Variants in PRDM13 observed in about 807,000 individuals in gnomAD.
The protein encoded by PRDM13 is PR/SET domain 13.
Under a neutral mutation model 36.4 loss-of-function variants are expected in PRDM13, and 15 were observed. The observed-to-expected ratio is 0.41, with a 90% confidence interval of 0.28 to 0.64. The LOEUF (loss-of-function observed/expected upper bound fraction) is 0.64, where lower values mean the gene tolerates loss of function less well. Ranked by LOEUF, PRDM13 falls within the 30% of genes least tolerant of loss-of-function variation. The pLI is 0.29. For missense variants in PRDM13, 1,044 were observed against 1,013.5 expected (o/e 1.03, Z -0.41); for synonymous variants, 531 against 467.7 (o/e 1.14, Z -1.75).
chr6:99,611,081 A>G (rs1770024267), intron 3 of PRDM13, among the ~76,000 whole-genome samples: 1 of 152,166 alleles, frequency 6.6e-6, no homozygotes, highest in African/African-American at 2.4e-5. Flanking sequence ...CATGATTTGG[A>G]TCTCAGAGTC....
rs765141778 is a variant in PRDM13 at position 99,614,003 on chromosome 6, C to T, written c.1368C>T (p.Pro456=). 1.2e-6 allele frequency: 2 copies of T among 1,609,858 alleles called. No homozygotes were observed. Among genetic ancestry groups the T allele is most frequent in the Non-Finnish European group, 1.7e-6 (2 of 1,178,926 alleles). The change falls in exon 4 of 4, where the codon CCC becomes CCT. Residue 456 remains proline (P), a synonymous_variant. Coordinates refer to ENST00000369215, the MANE Select transcript of PRDM13 (RefSeq NM_021620.4). The part of the protein sequence containing the change: ...AYPGGECSHL[P]AVMPAFTVYN... ...CGGGTGGTGAGTGCAGCCACCTGCC[C>T]GCCGTCATGCCGGCCTTTACAGTCT...
intron 3 of PRDM13, 39 bp downstream of exon 3, chr6:99,609,346 C>T: frequency 1.2e-6 from 2 of 1,602,984 alleles, no homozygotes; most frequent in Non-Finnish European, 1.7e-6. Flanking sequence ...AAAGTCCAGC[C>T]CTCCTCCTCC....
Position 99,613,540 on chromosome 6 carries a change from G to GGGC in PRDM13, c.915_917dup (p.Ala307dup). On this transcript the variant is annotated inframe_insertion, in exon 4 of 4. Transcript: ENST00000369215. This position sits in a 1 kb window ranked among gnomAD's most constrained non-coding sequence, Gnocchi z 6.1. ...GCTTTCAAGCCCGCCGGCCTAGCGA[G>GGGC]GGCGGCGGCGGCCGCTCACGGCGAC... is the stretch of plus-strand genomic sequence containing the variant. 1 of 1,496,090 alleles carries GGGC rather than the reference G, an allele frequency of 6.7e-7. No individual in the cohort carries two copies. The highest frequency in any genetic ancestry group is 1.5e-5 in the African/African-American group (1 of 68,638). The allele number at this position is 1,496,090 out of a possible 1,614,324, so 92.7% of individuals were successfully genotyped here.
rs1324630748 is a variant in PRDM13, at chr6:99,608,784, C to T, written c.188C>T (p.Ser63Phe). Residue 63 changes from serine (S) to phenylalanine (F), a missense_variant, in exon 2 of 4, where the codon TCC becomes TTC. Physicochemically the swap from Ser to Phe is radical, Grantham distance 155. This residue lies in a region of PRDM13 where 921 missense variants were observed against 865.2 expected (regional missense o/e 1.06). Coordinates refer to ENST00000369215, the MANE Select transcript of PRDM13 (RefSeq NM_021620.4). ...RGELVDESGG[S>F]PLEWIGLIRA... ...GAGCTGGTGGACGAGTCGGGGGGCT[C>T]CCCTCTGGAGTGGATAGGGTTAATC... The T allele has an allele frequency of 6.2e-7, 1 of 1,612,182 alleles. No individual in the cohort carries two copies. Among genetic ancestry groups the T allele is most frequent in the Non-Finnish European group, 8.5e-7 (1 of 1,179,248 alleles).
intron 3 of PRDM13, among the ~76,000 whole-genome samples, chr6:99,610,239 T>TAA (rs1226222095): frequency 6.6e-6 from 1 of 152,232 alleles, no homozygotes; most frequent in African/African-American, 2.4e-5. Context: ...GTGCAGTAAC[T>TAA]AAACAGAAAA....
At chr6:99,607,308 G>C (rs1224217798) in intron 1 of PRDM13, 130 bp downstream of exon 1, 4 of 1,336,304 alleles carry the variant, frequency 3.0e-6, no homozygotes, top group Non-Finnish European at 4.1e-6. Context: ...GGGTGGAAGG[G>C]GACTCCTATT....
In PRDM13 at chr6:99,607,040, C is replaced by T. The variant is rs181938025; in HGVS notation, c.6C>T (p.His2=). The stretch of plus-strand genomic sequence containing the variant: ...GCCTGGTGGCGGCGGCAACAATGCA[C>T]GGAGCCGCCAGAGCGCCAGCCACCA... The part of the protein sequence containing the change: M[H]GAARAPATSV... The change falls in exon 1 of 4, where the codon CAC becomes CAT. Residue 2 remains histidine, a synonymous_variant. Coordinates refer to ENST00000369215, the MANE Select transcript of PRDM13 (RefSeq NM_021620.4). The T allele has an allele frequency of 3.6e-4, 579 of 1,609,344 alleles. 1 individual carries two copies. In the African/African-American group the frequency reaches 6.5e-3, roughly 18 times the overall value.
At chr6:99,609,778 C>T (rs570248536) in intron 3 of PRDM13, among the ~76,000 whole-genome samples, 1 of 151,888 alleles carries the variant, frequency 6.6e-6, no homozygotes, top group Admixed American at 6.6e-5. Context: ...CTTAGCTACT[C>T]AGGATGCTGA....
chr6:99,613,351 CG>C lies in PRDM13; in HGVS notation c.717del (p.Pro240ArgfsTer22). Reference sequence around the variant, plus strand: ...GCCTCTTCCGCGCCCTCGGCCACCTCGCCGACCCCAGGCAAGTGGGGGCAGC... The same window carrying C: ...GCCTCTTCCGCGCCCTCGGCCACCTCCCGACCCCAGGCAAGTGGGGGCAGC... ...REASSAPSAT[S>X]PTPGKWGQPK... is the part of the protein sequence containing the mutation. On this transcript the variant is annotated frameshift_variant, in exon 4 of 4. Coordinates refer to ENST00000369215, the MANE Select transcript of PRDM13 (RefSeq NM_021620.4). LOFTEE classifies it low-confidence loss of function (END_TRUNC). The surrounding 1 kb of genome is among the most constrained non-coding windows in gnomAD (Gnocchi z 6.1). The C allele has an allele frequency of 6.5e-7, 1 of 1,548,354 alleles. No individual in the cohort carries two copies. Among genetic ancestry groups the C allele is most frequent in the South Asian group, 1.2e-5 (1 of 84,978 alleles).
intron 2 of PRDM13, 62 bp downstream of exon 2, chr6:99,608,934 T>C: frequency 6.4e-7 from 1 of 1,555,780 alleles, no homozygotes; most frequent in Non-Finnish European, 8.7e-7. Context: ...TACCTAACCG[T>C]CCCTGCGGTG....
At chr6:99,608,972 T>C (rs1446857118) in intron 2 of PRDM13, 100 bp downstream of exon 2, 2 of 1,470,500 alleles carry the variant, frequency 1.4e-6, no homozygotes, top group African/African-American at 2.9e-5. Flanking sequence ...CAAAGTACTT[T>C]AGCTAGACGT....
Position 99,606,868 on chromosome 6 carries a change from C to T in PRDM13, c.-167C>T, listed in dbSNP as rs1376037397. ...CTTGCGCTAGCGGTGCCAAAAGGCT[C>T]CCGCCCCGATTGAAAAGGCGCAGTG... is the stretch of plus-strand genomic sequence containing the variant. On this transcript the variant is annotated 5_prime_UTR_variant, in exon 1 of 4. Coordinates refer to ENST00000369215, the MANE Select transcript of PRDM13 (RefSeq NM_021620.4). 2.2e-6 allele frequency: 2 copies of T among 925,644 alleles called. No homozygotes were observed. The highest frequency in any genetic ancestry group is 3.1e-6 in the Non-Finnish European group (2 of 649,046). The allele number at this position is 925,644 out of a possible 1,614,324, so 57.3% of individuals were successfully genotyped here.
Position 99,614,897 on chromosome 6 carries a change from A to C in PRDM13, c.*138A>C, listed in dbSNP as rs1434384730. 1.8e-6 allele frequency: 2 copies of C among 1,129,156 alleles called. No individual in the cohort carries two copies. The highest frequency in any genetic ancestry group is 3.1e-5 in the African/African-American group (2 of 63,728). The allele number at this position is 1,129,156 out of a possible 1,614,324, so 69.9% of individuals were successfully genotyped here. A position where few individuals can be genotyped will look rare whatever the true frequency, so the allele number is the denominator to read the frequency against. ...TGTTTTTGAGAGGGCGCCAGATTTG[A>C]AACAGTGAGAGGTCCCACATCTGGT... On this transcript the variant is annotated 3_prime_UTR_variant, in exon 4 of 4. Transcript: ENST00000369215.
rs779448826 is a variant in PRDM13 at position 99,607,170 on chromosome 6, A to C, written c.136A>C (p.Lys46Gln). Residue 46 changes from lysine (K) to glutamine (Q), a missense_variant, in exon 1 of 4, where the codon AAG becomes CAG. Physicochemically the swap from Lys to Gln is moderately conservative, Grantham distance 53. Around this residue, in one of 3 missense-constraint regions of PRDM13, gnomAD observed 921 missense variants for 865.2 expected, o/e 1.06. Transcript: ENST00000369215. ...GTCAGACCGCAGGGAGCCCGGGCCT[A>C]AGAAAAAGGTATTGACCATTCAGAC... ...YLSDRREPGP[K>Q]KKVRMVRGEL... is the part of the protein sequence containing the mutation. The C allele has an allele frequency of 1.2e-6, 2 of 1,613,780 alleles. No individual in the cohort carries two copies. Among genetic ancestry groups the C allele is most frequent in the African/African-American group, 2.7e-5 (2 of 75,024 alleles).
At position 99,613,174 on chromosome 6, in the gene PRDM13, G is replaced by A; in HGVS notation, c.539G>A (p.Gly180Asp). ...CACCACGAACACGCGGCTCGCCAAG[G>A]CGCCGTCCCAGCGGCTGATGGCCTC... is the stretch of plus-strand genomic sequence containing the variant. ...FLHHEHAARQ[G>D]AVPAADGLGL... The change falls in exon 4 of 4, where the codon GGC becomes GAC. Residue 180 changes from glycine to aspartate, a missense_variant. Around this residue, in one of 3 missense-constraint regions of PRDM13, gnomAD observed 921 missense variants for 865.2 expected, o/e 1.06. Transcript: ENST00000369215. This position sits in a 1 kb window ranked among gnomAD's most constrained non-coding sequence, Gnocchi z 6.1. 1 of 1,612,796 alleles carries A rather than the reference G, an allele frequency of 6.2e-7. No homozygotes were observed.
rs1238690299 is a variant in PRDM13, at chr6:99,615,091, C to T, written c.*332C>T. 2.9e-6 allele frequency: 1 copy of T among 346,756 alleles called. No individual in the cohort carries two copies. The highest frequency in any genetic ancestry group is 2.1e-5 in the African/African-American group (1 of 47,384). 21.5% of individuals were successfully genotyped at this position (346,756 alleles called of 1,614,324 possible). ...TTCAGAATCACATCAATGCGAACGTCACAGCGCCTTCGAGGGCGCAGATTT... is the reference window on the plus strand; with the variant it reads ...TTCAGAATCACATCAATGCGAACGTTACAGCGCCTTCGAGGGCGCAGATTT... On this transcript the variant is annotated 3_prime_UTR_variant, in exon 4 of 4. Coordinates refer to ENST00000369215, the MANE Select transcript of PRDM13 (RefSeq NM_021620.4).
In PRDM13 at chr6:99,613,307, G is replaced by A. The variant is rs755321502; in HGVS notation, c.672G>A (p.Arg224=). The stretch of plus-strand genomic sequence containing the variant: ...CACCAGTTCAGGCCTGCGGTGCGCG[G>A]GAGGGCATCAAGCGCGAGGCCTCTT... ...GPPPVQACGA[R]EGIKREASSA... The change falls in exon 4 of 4, where the codon CGG becomes CGA. Residue 224 remains arginine, a synonymous_variant. Transcript: ENST00000369215. This position sits in a 1 kb window ranked among gnomAD's most constrained non-coding sequence, Gnocchi z 6.1. The A allele has an allele frequency of 1.1e-5, 18 of 1,570,250 alleles. No homozygotes were observed. The highest frequency in any genetic ancestry group is 9.5e-5 in the African/African-American group (7 of 73,934).
At chr6:99,612,194 C>T (rs1365372805) in intron 3 of PRDM13, among the ~76,000 whole-genome samples, 3 of 152,092 alleles carry the variant, frequency 2.0e-5, no homozygotes, top group African/African-American at 7.2e-5. Flanking sequence ...TCTCCAAAGA[C>T]TTTACTAAGC....
chr6:99,608,850 T>A lies in PRDM13; in HGVS notation c.254T>A (p.Ile85Asn). ...TCCCAGGAACAGACTCTGGAAGCTA[T>A]TGCAGACTTACCCGGAGGACAGGTA... ...RNSQEQTLEA[I>N]ADLPGGQIFY... The change falls in exon 2 of 4, where the codon ATT (isoleucine) becomes AAT (asparagine). Residue 85 changes from isoleucine to asparagine, a missense_variant. By Grantham distance (149) the Ile-to-Asn change is moderately radical. Transcript: ENST00000369215. The A allele has an allele frequency of 6.2e-7, 1 of 1,613,748 alleles. No individual in the cohort carries two copies. Among genetic ancestry groups the A allele is most frequent in the Non-Finnish European group, 8.5e-7 (1 of 1,179,862 alleles).
Sources: allele counts gnomAD v4.1 joint callset (sites outside exome capture counted in the v4.1 genomes callset), GRCh38; gene constraint gnomAD v4.1.1; regional missense constraint gnomAD v4.1.1; non-coding constraint Gnocchi (gnomAD v3.1); transcripts MANE v1.5; gene names NCBI Gene and HGNC (gene_info 2026-07-23, HGNC 2026-07-21).